Variants in USP20 observed in about 807,000 individuals in gnomAD.
USP20 encodes ubiquitin specific peptidase 20.
Under a neutral mutation model 124.2 loss-of-function variants are expected in USP20, and 80 were observed. The observed-to-expected ratio is 0.64, with a 90% CI of 0.54 to 0.78. The LOEUF (loss-of-function observed/expected upper bound fraction) is 0.78. USP20 is among the 30% of genes least tolerant of loss of function. The pLI is 0.00. For missense variants in USP20, 1,043 were observed against 1,244.4 expected, an observed-to-expected ratio of 0.84 and a Z score of 2.44; for synonymous variants, 481 against 512.3, an observed-to-expected ratio of 0.94 and a Z score of 0.83.
intron 1 of USP20, among the ~76,000 whole-genome samples, chr9:129,840,722 GATATTATC>G (rs1027110979): frequency 6.6e-6 from 1 of 150,930 alleles, no homozygotes; most frequent in Non-Finnish European, 1.5e-5. Flanking sequence ...TAAGAATAAG[GATATTATC>G]ATACATAACC....
chr9:129,870,315 C>A (rs2034054816), intron 14 of USP20, 138 bp from the exon 15 acceptor site: 2 of 851,766 alleles, frequency 2.3e-6, no homozygotes, highest in African/African-American at 3.4e-5. Flanking sequence ...TCTGCCCCGA[C>A]CCGCCGTGCC....
intron 1 of USP20, among the ~76,000 whole-genome samples, chr9:129,847,862 A>G (rs887649187): frequency 6.6e-6 from 1 of 151,864 alleles, no homozygotes; most frequent in African/African-American, 2.4e-5. Context: ...ATTTTATATA[A>G]ATAGAATCAT....
At chr9:129,878,509 G>A in intron 23 of USP20, 69 bp downstream of exon 23, 1 of 1,400,598 alleles carries the variant, frequency 7.1e-7, no homozygotes. Context: ...GCTGGCAGGG[G>A]AGGGCTGGCA....
chr9:129,843,355 A>G (rs953525977), intron 1 of USP20, among the ~76,000 whole-genome samples: 1 of 152,082 alleles, frequency 6.6e-6, no homozygotes, highest in African/African-American at 2.4e-5. Context: ...GCTTGAACCC[A>G]GGAGGCGGAG....
chr9:129,846,247 A>ATATATATATGTATTTTTTTTTTTT (rs1554742656), intron 1 of USP20, among the ~76,000 whole-genome samples: 7 of 32,682 alleles, frequency 2.1e-4, no homozygotes, highest in Admixed American at 6.3e-4. Flanking sequence ...ATATATATAT[A>ATATATATATGTATTTTTTTTTTTT]TTTTTTTTTT....
At position 129,852,892 on chromosome 9, in the gene USP20, A is replaced by G. The variant is rs766795663; in HGVS notation, c.81+256A>G. On this transcript the variant is annotated intron_variant, in intron 3 of 25. Transcript: ENST00000372429. ...TGTCCATTAGCTGTTGGGGCGGTGC[A>G]CAGAGCCTCTCCAAGGCAGGGAATG... 1.4e-4 allele frequency among the ~76,000 whole-genome samples: 21 copies of G among 152,148 alleles called. No homozygotes were observed. The highest frequency in any genetic ancestry group is 1.3e-4 in the Admixed American group (2 of 15,268).
chr9:129,869,097 G>C, intron 12 of USP20, 95 bp downstream of exon 12: 1 of 1,467,952 alleles, frequency 6.8e-7, no homozygotes, highest in Non-Finnish European at 9.1e-7. Context: ...GCGGAGGGCC[G>C]GGCTATGGGC....
rs750453523 is a variant in USP20 at position 129,876,149 on chromosome 9, G to A, written c.2320G>A (p.Val774Met). The A allele has an allele frequency of 6.8e-6, 11 of 1,613,216 alleles. No individual in the cohort carries two copies. The highest frequency in any genetic ancestry group is 4.4e-5 in the South Asian group (4 of 91,038). Reference protein sequence around the residue: ...LYNRFGGGPAVNHLYVCSICQ... With the variant: ...LYNRFGGGPAMNHLYVCSICQ... ...GCACAGATTCGGGGGTGGCCCCGCC[G>A]TGAACCACCTGTACGTGTGCTCCAT... Residue 774 changes from valine to methionine, a missense_variant, in exon 22 of 26, where the codon GTG (valine) becomes ATG (methionine). Transcript: ENST00000372429.
At chr9:129,875,002 C>A in intron 19 of USP20, 47 bp downstream of exon 19, 1 of 1,600,092 alleles carries the variant, frequency 6.2e-7, no homozygotes, top group Non-Finnish European at 8.5e-7. Flanking sequence ...CATCCCCGTC[C>A]CCTGGGACCC....
intron 1 of USP20, among the ~76,000 whole-genome samples, chr9:129,841,800 C>A (rs940066496): frequency 6.6e-6 from 1 of 152,130 alleles, no homozygotes; most frequent in Non-Finnish European, 1.5e-5. Flanking sequence ...GAGCTTAGAT[C>A]TCAGGAAGCG....
intron 1 of USP20, among the ~76,000 whole-genome samples, chr9:129,842,949 A>G (rs905073918): frequency 3.3e-5 from 5 of 151,994 alleles, no homozygotes; most frequent in African/African-American, 1.2e-4. Context: ...TTTTTCCTTC[A>G]TAGAAATGAT....
chr9:129,864,529 A>T (rs2033726565), intron 9 of USP20, among the ~76,000 whole-genome samples: 1 of 150,254 alleles, frequency 6.7e-6, no homozygotes, highest in African/African-American at 2.5e-5. Context: ...TAATCCCAGT[A>T]CTTTGGGAGG....
intron 1 of USP20, among the ~76,000 whole-genome samples, chr9:129,844,623 CAAAAAAAAA>C (rs1191781066): frequency 1.7e-4 from 12 of 72,418 alleles, no homozygotes; most frequent in African/African-American, 4.9e-4. Context: ...GACTCTGTCT[CAAAAAAAAA>C]AAAAAAAAAA....
In USP20 at chr9:129,869,799, A is replaced by C; in HGVS notation, c.1520A>C (p.Tyr507Ser). The C allele has an allele frequency of 1.2e-6, 2 of 1,614,002 alleles. No individual in the cohort carries two copies. ...AAGCCAGGCGCCTGTGGGGACAGCT[A>C]TGCCGCCCAGGGCTGGCTGGCCTTC... is the stretch of plus-strand genomic sequence containing the variant. ...PAKPGACGDS[Y>S]AAQGWLAFIV... The change falls in exon 14 of 26, where the codon TAT (tyrosine) becomes TCT (serine). Residue 507 changes from tyrosine (Y) to serine (S), a missense_variant. Coordinates refer to ENST00000372429, the MANE Select transcript of USP20 (RefSeq NM_001110303.4).
chr9:129,851,372 C>A (rs891373830), intron 2 of USP20, among the ~76,000 whole-genome samples: 13 of 151,284 alleles, frequency 8.6e-5, no homozygotes, highest in African/African-American at 3.2e-4. Flanking sequence ...TGATCTCCTA[C>A]CTCAGCCTCT....
chr9:129,841,260 T>G (rs1017156976), intron 1 of USP20, among the ~76,000 whole-genome samples: 1 of 152,258 alleles, frequency 6.6e-6, no homozygotes, highest in Non-Finnish European at 1.5e-5. Context: ...GATGGCCATC[T>G]TCTCACTGTG....
In USP20 at chr9:129,868,075, CGGT is replaced by C. The variant is rs1564213185; in HGVS notation, c.764_766del (p.Val255del). The C allele has an allele frequency of 3.1e-6, 5 of 1,614,000 alleles. No homozygotes were observed. Among genetic ancestry groups the C allele is most frequent in the Non-Finnish European group, 4.2e-6 (5 of 1,180,026 alleles). On this transcript the variant is annotated inframe_deletion, in exon 11 of 26. Transcript: ENST00000372429. ...GAGCTCAAGGAGCCGGTGGTGGCCA[CGGT>C]GGCGCTGACGGAGGCTCGGGACTCA...
intron 3 of USP20, 43 bp from the exon 4 acceptor site, chr9:129,856,264 G>A (rs1459651501): frequency 1.3e-6 from 2 of 1,599,800 alleles, no homozygotes; most frequent in Non-Finnish European, 1.7e-6. Flanking sequence ...CCCGCAACGG[G>A]CTCCTCATGC....
rs1450422202 is a variant in USP20, at chr9:129,881,415, G to A, written c.*965G>A. The A allele has an allele frequency of 1.3e-5, 2 of 152,304 alleles. No individual in the cohort carries two copies. The highest frequency in any genetic ancestry group is 6.5e-5 in the Admixed American group (1 of 15,280). 9.4% of individuals were successfully genotyped at this position (152,304 alleles called of 1,614,324 possible). A position where few individuals can be genotyped will look rare whatever the true frequency, so the allele number is the denominator to read the frequency against. On this transcript the variant is annotated 3_prime_UTR_variant, in exon 26 of 26. Transcript: ENST00000372429. ...TGGAGGGAGCCACTGAGCACAGCAA[G>A]GCACCAAAGCCCCTGGAGAAACCGC...
Sources: gnomAD v4.1 joint callset for allele counts (sites outside exome capture counted in the v4.1 genomes callset) on GRCh38, gnomAD v4.1.1 for gene constraint, MANE v1.5 for transcripts, NCBI Gene and HGNC (gene_info 2026-07-23, HGNC 2026-07-21) for gene names.